Variants in RYR1 observed in about 807,000 individuals in gnomAD.
RYR1 encodes ryanodine receptor 1.
Under a neutral mutation model 583.5 loss-of-function variants are expected in RYR1, and 342 were observed. The ratio of observed to expected loss-of-function variants is 0.59; its 90% CI spans 0.54 to 0.64. The LOEUF (loss-of-function observed/expected upper bound fraction) is 0.64, where lower values mean the gene tolerates loss of function less well. RYR1 is among the 30% of genes least tolerant of loss of function. The pLI, the probability that RYR1 is intolerant of heterozygous loss-of-function variation, is 0.00. For synonymous variants in RYR1, 2,791 were observed against 2,822.5 expected (o/e 0.99, Z 0.35); for missense variants, 6,032 against 6,917.2 (o/e 0.87, Z 4.54).
intron 35 of RYR1, 130 bp downstream of exon 35, chr19:38,489,573 T>C: frequency 1.1e-6 from 1 of 947,950 alleles, no homozygotes; most frequent in South Asian, 1.3e-5. Context: ...CAGTGAGCAA[T>C]GCCAACTTGG....
At position 38,532,699 on chromosome 19, in the gene RYR1, A is replaced by G. The variant is rs1971796368; in HGVS notation, c.11222A>G (p.Asn3741Ser). ...KSCHLEEGGENGEAEEEVEVS... is the reference protein window; with the variant it reads ...KSCHLEEGGESGEAEEEVEVS... ...TGCCACCTGGAGGAGGGAGGGGAGAACGGTGAAGCTGAAGAGGAGGTTGAG... is the reference window on the plus strand; with the variant it reads ...TGCCACCTGGAGGAGGGAGGGGAGAGCGGTGAAGCTGAAGAGGAGGTTGAG... The change falls in exon 78 of 106, where the codon AAC becomes AGC. Residue 3741 changes from asparagine to serine, a missense_variant. Asn to Ser is a conservative substitution (Grantham distance 46). Transcript: ENST00000359596. The G allele has an allele frequency of 1.2e-6, 2 of 1,613,926 alleles. No individual in the cohort carries two copies. The highest frequency in any genetic ancestry group is 1.1e-5 in the South Asian group (1 of 91,082).
At chr19:38,487,593 C>A (rs978228249) in intron 34 of RYR1, among the ~76,000 whole-genome samples, 5 of 151,950 alleles carry the variant, frequency 3.3e-5, no homozygotes, top group Non-Finnish European at 7.4e-5. Flanking sequence ...ACTTTGTGAT[C>A]TGCCCACCTC....
chr19:38,534,601 G>T lies in RYR1; in HGVS notation c.11260-119G>T, dbSNP rs1013072920. ...GCCCCAGGGGATGGAGGGAGCTCAT[G>T]GTTGAAGGAGTGAGTTGTGGATGTG... On this transcript the variant is annotated intron_variant, in intron 78 of 105. Transcript: ENST00000359596. 3.6e-6 allele frequency: 3 copies of T among 836,930 alleles called. No individual in the cohort carries two copies. In the South Asian group the frequency reaches 4.3e-5, roughly 12 times the overall value. 51.8% of individuals were successfully genotyped at this position (836,930 alleles called of 1,614,324 possible).
At chr19:38,460,142 A>G (rs1041951850) in intron 19 of RYR1, among the ~76,000 whole-genome samples, 4 of 152,188 alleles carry the variant, frequency 2.6e-5, no homozygotes, top group South Asian at 4.1e-4. Flanking sequence ...TAGATTAACC[A>G]GAGACCCTCC....
In RYR1 at chr19:38,535,978, T is replaced by G; in HGVS notation, c.11517-19T>G. The stretch of plus-strand genomic sequence containing the variant: ...GAGGCTTCATCACATACCCCCTATC[T>G]TTCCTTTCTTTTCCTCAGCGTCCTG... On this transcript the variant is annotated intron_variant, in intron 81 of 105. Transcript: ENST00000359596. The G allele has an allele frequency of 6.2e-7, 1 of 1,611,898 alleles. No individual in the cohort carries two copies. The highest frequency in any genetic ancestry group is 8.5e-7 in the Non-Finnish European group (1 of 1,179,128).
At chr19:38,494,127 C>T (rs1250637898) in intron 38 of RYR1, among the ~76,000 whole-genome samples, 1 of 152,060 alleles carries the variant, frequency 6.6e-6, no homozygotes, top group Non-Finnish European at 1.5e-5. Flanking sequence ...TGTGATAGCC[C>T]CACAGCACCC....
intron 11 of RYR1, among the ~76,000 whole-genome samples, chr19:38,451,532 C>A (rs1036324759): frequency 2.0e-5 from 3 of 151,810 alleles, no homozygotes; most frequent in African/African-American, 7.3e-5. Context: ...GATAGAGAGA[C>A]AAAGACAGAC....
intron 28 of RYR1, among the ~76,000 whole-genome samples, chr19:38,474,268 TTCTA>T (rs1306872390): frequency 1.3e-5 from 2 of 151,714 alleles, no homozygotes; most frequent in African/African-American, 4.8e-5. Context: ...CTTTTTTTCT[TTCTA>T]TCTTTTTTTT....
intron 28 of RYR1, among the ~76,000 whole-genome samples, chr19:38,474,271 TATC>T (rs1444056910): frequency 2.6e-5 from 4 of 151,592 alleles, no homozygotes; most frequent in South Asian, 2.1e-4. Context: ...TTTTTCTTTC[TATC>T]TTTTTTTTTT....
At chr19:38,585,367 G>GAGAT (rs1974428475) in intron 102 of RYR1, among the ~76,000 whole-genome samples, 1 of 135,666 alleles carries the variant, frequency 7.4e-6, no homozygotes, top group African/African-American at 3.1e-5. Flanking sequence ...ATAAAGGCCT[G>GAGAT]AGATATATAT....
intron 59 of RYR1, 34 bp from the exon 60 acceptor site, chr19:38,510,626 A>G: frequency 6.2e-7 from 1 of 1,613,762 alleles, no homozygotes; most frequent in Non-Finnish European, 8.5e-7. Flanking sequence ...CCCACCCCTC[A>G]TTGGACCCTT....
At chr19:38,445,514 C>T (rs932468811) in intron 7 of RYR1, among the ~76,000 whole-genome samples, 9 of 152,136 alleles carry the variant, frequency 5.9e-5, no homozygotes, top group African/African-American at 2.2e-4. Flanking sequence ...ACCAGACCCA[C>T]GCTGGGACTC....
intron 49 of RYR1, among the ~76,000 whole-genome samples, chr19:38,503,378 CTCTT>C (rs1600839858): frequency 6.6e-6 from 1 of 152,170 alleles, no homozygotes; most frequent in East Asian, 1.9e-4. Context: ...CACACTGTCT[CTCTT>C]ATTTTTTCAT....
chr19:38,490,331 TCTC>T, intron 36 of RYR1, 55 bp downstream of exon 36: 1 of 1,517,990 alleles, frequency 6.6e-7, no homozygotes, highest in Non-Finnish European at 9.0e-7. Context: ...AACCTCAACA[TCTC>T]CTGACTCTGA....
chr19:38,517,830 AG>A, intron 66 of RYR1, 139 bp downstream of exon 66: 1 of 806,384 alleles, frequency 1.2e-6, no homozygotes, highest in Non-Finnish European at 2.0e-6. Flanking sequence ...TCAAAAGACC[AG>A]GGGTCAGCTG....
At chr19:38,551,713 C>T (rs976663500) in intron 89 of RYR1, among the ~76,000 whole-genome samples, 4 of 152,118 alleles carry the variant, frequency 2.6e-5, no homozygotes, top group African/African-American at 9.7e-5. Flanking sequence ...CACAGCTGGC[C>T]TTTTCGTTTC....
chr19:38,481,229 C>T (rs1024766208), intron 31 of RYR1, among the ~76,000 whole-genome samples: 6 of 152,062 alleles, frequency 3.9e-5, no homozygotes, highest in African/African-American at 1.2e-4. Flanking sequence ...TGGGATCAAA[C>T]GATCCTCCCA....
chr19:38,519,597 C>T, intron 67 of RYR1, 143 bp downstream of exon 67: 1 of 1,014,822 alleles, frequency 9.9e-7, no homozygotes, highest in Non-Finnish European at 1.5e-6. Flanking sequence ...CTCCTGGTTT[C>T]TTCTGGCTTT....
Position 38,561,168 on chromosome 19 carries a change from G to A in RYR1, c.12338G>A (p.Cys4113Tyr). 6.2e-7 allele frequency: 1 copy of A among 1,614,136 alleles called. No homozygotes were observed. The highest frequency in any genetic ancestry group is 1.3e-5 in the African/African-American group (1 of 75,026). ...CCAGAAATCCAGTTCCTGCTTTCGT[G>A]CTCCGAAGCGGATGAGAACGAAATG... ...SGPEIQFLLS[C>Y]SEADENEMIN... The change falls in exon 90 of 106, where the codon TGC becomes TAC. Residue 4113 changes from cysteine to tyrosine, a missense_variant. Cys to Tyr is a radical substitution (Grantham distance 194). Coordinates refer to ENST00000359596, the MANE Select transcript of RYR1 (RefSeq NM_000540.3). This position sits in a 1 kb window ranked among gnomAD's most constrained non-coding sequence, Gnocchi z 4.8.
Sources: allele counts gnomAD v4.1 joint callset (sites outside exome capture counted in the v4.1 genomes callset), GRCh38; gene constraint gnomAD v4.1.1; non-coding constraint Gnocchi (gnomAD v3.1); transcripts MANE v1.5; gene names NCBI Gene and HGNC (gene_info 2026-07-23, HGNC 2026-07-21).